The following ADAM28 variants were observed in gnomAD, a reference collection of about 807,000 sequenced individuals.
ADAM28 encodes ADAM metallopeptidase domain 28.
Under a neutral mutation model 101.2 loss-of-function variants are expected in ADAM28, and 105 were observed. The observed-to-expected ratio is 1.04, with a 90% CI of 0.89 to 1.22. The LOEUF (loss-of-function observed/expected upper bound fraction) is 1.22, where lower values mean the gene tolerates loss of function less well. Ranked by LOEUF, ADAM28 falls within the 50% of genes most tolerant of loss-of-function variation. The pLI, the probability that ADAM28 is intolerant of heterozygous loss-of-function variation, is 0.00. For missense variants in ADAM28, 1,028 were observed against 945.4 expected (o/e 1.09, Z -1.15); for synonymous variants, 322 against 310.6 (o/e 1.04, Z -0.39).
rs1424813442 is a variant in ADAM28, at chr8:24,329,985, G to C, written c.973G>C (p.Asp325His). 3 of 1,610,878 alleles carry C rather than the reference G, an allele frequency of 1.9e-6. No individual in the cohort carries two copies. The African/African-American group carries it at 4.0e-5, about 22-fold the overall frequency. ...TCTTTTTCTTCTTTCATACCTTTAGGACCACAGCGATAATCTTCTTAGAGT... is the reference window on the plus strand; with the variant it reads ...TCTTTTTCTTCTTTCATACCTTTAGCACCACAGCGATAATCTTCTTAGAGT... ...CSPYSVGVVQ[D>H]HSDNLLRVAG... The change falls in exon 11 of 23, where the codon GAC becomes CAC. Residue 325 changes from aspartate (D) to histidine (H), a missense_variant and splice_region_variant. Transcript: ENST00000265769.
intron 2 of ADAM28, among the ~76,000 whole-genome samples, chr8:24,306,358 A>ATATATATATATATATATATATATTT (rs1809634217): frequency 2.6e-5 from 3 of 115,850 alleles, no homozygotes; most frequent in Admixed American, 8.4e-5. Flanking sequence ...ACAAATAAAT[A>ATATATATATATATATATATATATTT]AATAAATATA....
chr8:24,355,260 T>C lies in ADAM28; in HGVS notation c.*856T>C, dbSNP rs1816602930. On this transcript the variant is annotated 3_prime_UTR_variant, in exon 23 of 23. Coordinates refer to ENST00000265769, the MANE Select transcript of ADAM28 (RefSeq NM_014265.6). ...TGCTTTGTCAACAACAGACTTACAT[T>C]GCCCATAGCAACCGTCAGCTTAGTT... 6.6e-6 allele frequency: 1 copy of C among 152,258 alleles called. No individual in the cohort carries two copies. Among genetic ancestry groups the C allele is most frequent in the Non-Finnish European group, 1.5e-5 (1 of 67,998 alleles). 9.4% of individuals were successfully genotyped at this position (152,258 alleles called of 1,614,324 possible). A position where few individuals can be genotyped will look rare whatever the true frequency, so the allele number is the denominator to read the frequency against.
intron 6 of ADAM28, among the ~76,000 whole-genome samples, chr8:24,319,567 A>G (rs1811600406): frequency 6.6e-6 from 1 of 152,056 alleles, no homozygotes. Flanking sequence ...TTAGTTACCT[A>G]TTAAAAGACA....
intron 2 of ADAM28, chr8:24,308,531 T>G: frequency 9.3e-6 from 4 of 431,220 alleles, no homozygotes; most frequent in South Asian, 6.7e-5. Context: ...AAGACCATAT[T>G]TGGTATCATT....
rs536534433 is a variant in ADAM28 at position 24,357,821 on chromosome 8, C to T, written c.*3417C>T. On this transcript the variant is annotated 3_prime_UTR_variant, in exon 23 of 23. Coordinates refer to ENST00000265769, the MANE Select transcript of ADAM28 (RefSeq NM_014265.6). ...TTTGTTCTCCCTTCTTTACTAGCAC[C>T]GAGGATTTGCTTGAAATCTCTGATA... 6.6e-5 allele frequency: 10 copies of T among 152,128 alleles called. No individual in the cohort carries two copies. Among genetic ancestry groups the T allele is most frequent in the East Asian group, 1.9e-4 (1 of 5,174 alleles). 9.4% of individuals were successfully genotyped at this position (152,128 alleles called of 1,614,324 possible). A position where few individuals can be genotyped will look rare whatever the true frequency, so the allele number is the denominator to read the frequency against.
In ADAM28 at chr8:24,353,753, T is replaced by C. The variant is rs769643381; in HGVS notation, c.2245-17T>C. On this transcript the variant is annotated splice_polypyrimidine_tract_variant and intron_variant, in intron 21 of 22. Transcript: ENST00000265769. The stretch of plus-strand genomic sequence containing the variant: ...AGCATTTCTAATGCCATACCATTGT[T>C]TTTATAATTAACGTAGCATAAAGAC... The C allele has an allele frequency of 8.4e-6, 12 of 1,430,216 alleles. No individual in the cohort carries two copies. The South Asian group carries it at 1.3e-4, about 15-fold the overall frequency. 88.6% of individuals were successfully genotyped at this position (1,430,216 alleles called of 1,614,324 possible).
At chr8:24,349,805 G>T in intron 18 of ADAM28, 59 bp from the exon 19 acceptor site, 1 of 1,311,402 alleles carries the variant, frequency 7.6e-7, no homozygotes, top group Non-Finnish European at 1.1e-6. Flanking sequence ...ACAAGGACTA[G>T]TGTGTTGTGC....
Position 24,339,473 on chromosome 8 carries a change from G to A in ADAM28, c.1575G>A (p.Glu525=), listed in dbSNP as rs200477816. The A allele has an allele frequency of 6.2e-7, 1 of 1,612,366 alleles. No individual in the cohort carries two copies. Among genetic ancestry groups the A allele is most frequent in the African/African-American group, 1.3e-5 (1 of 74,830 alleles). The part of the protein sequence containing the change: ...QCTELWGPGT[E]VADKSCYNRN... ...GACTGATCCTGGTCCCAGGAACTGAGGTTGCAGATAAGTCATGTTACAACA... is the reference window on the plus strand; with the variant it reads ...GACTGATCCTGGTCCCAGGAACTGAAGTTGCAGATAAGTCATGTTACAACA... Residue 525 remains glutamate, a synonymous_variant, in exon 15 of 23, where the codon GAG becomes GAA. Transcript: ENST00000265769.
Position 24,335,601 on chromosome 8 carries a change from C to T in ADAM28, c.1527C>T (p.Cys509=). The T allele has an allele frequency of 6.2e-7, 1 of 1,612,948 alleles. No individual in the cohort carries two copies. Among genetic ancestry groups the T allele is most frequent in the Non-Finnish European group, 8.5e-7 (1 of 1,179,402 alleles). The change falls in exon 14 of 23, where the codon TGC becomes TGT. Residue 509 remains cysteine (C), a synonymous_variant. Coordinates refer to ENST00000265769, the MANE Select transcript of ADAM28 (RefSeq NM_014265.6). ...AGGGCCACTGCTTGATGGGGACATG[C>T]CCCACACTGCAGGAGCAGTGCACAG... The part of the protein sequence containing the change: ...HGKGHCLMGT[C]PTLQEQCTEL...
intron 18 of ADAM28, among the ~76,000 whole-genome samples, chr8:24,344,526 T>C (rs1444117426): frequency 6.6e-6 from 1 of 152,150 alleles, no homozygotes; most frequent in Non-Finnish European, 1.5e-5. Context: ...TTGTTAGACT[T>C]TTCAAGAGAG....
In ADAM28 at chr8:24,350,060, T is replaced by C. The variant is rs1412766122; in HGVS notation, c.2099+88T>C. On this transcript the variant is annotated intron_variant, in intron 19 of 22. Transcript: ENST00000265769. ...TCAATGTATAACCTATCCTTTCAAA[T>C]TGAATTGGTTTACTTCTAATATTCA... 4 of 1,139,102 alleles carry C rather than the reference T, an allele frequency of 3.5e-6. 1 individual carries two copies. Among genetic ancestry groups the C allele is most frequent in the South Asian group, 3.6e-5 (2 of 55,280 alleles). 70.6% of individuals were successfully genotyped at this position (1,139,102 alleles called of 1,614,324 possible).
At position 24,351,228 on chromosome 8, in the gene ADAM28, A is replaced by G. The variant is rs1303652519; in HGVS notation, c.2100-4A>G. 2.5e-6 allele frequency: 4 copies of G among 1,579,310 alleles called. No individual in the cohort carries two copies. The East Asian group carries it at 9.1e-5, about 36-fold the overall frequency. Reference sequence around the variant, plus strand: ...AATTGATATCATGTGTTTCTCTCTTACAGGCCACTATCTACCACTGGCACC... The same window carrying G: ...AATTGATATCATGTGTTTCTCTCTTGCAGGCCACTATCTACCACTGGCACC... On this transcript the variant is annotated splice_region_variant and splice_polypyrimidine_tract_variant and intron_variant, in intron 19 of 22. Transcript: ENST00000265769.
At chr8:24,314,714 A>G (rs564366434) in intron 6 of ADAM28, among the ~76,000 whole-genome samples, 61 of 151,952 alleles carry the variant, frequency 4.0e-4, no homozygotes, top group Non-Finnish European at 6.6e-4. Context: ...ATGACACTTA[A>G]AAATCAAATG....
intron 10 of ADAM28, among the ~76,000 whole-genome samples, chr8:24,327,933 A>C (rs900039508): frequency 3.3e-5 from 5 of 152,082 alleles, no homozygotes; most frequent in African/African-American, 1.2e-4. Context: ...ATTGTTATTA[A>C]TTTTGTTTTA....
At chr8:24,306,367 TATATATATATATATATATTTAAAA>T (rs1809658053) in intron 2 of ADAM28, among the ~76,000 whole-genome samples, 4 of 136,320 alleles carry the variant, frequency 2.9e-5, no homozygotes, top group East Asian at 4.4e-4. Flanking sequence ...TAAATAAATA[TATATATATATATATATATTTAAAA>T]ATATATATAT....
chr8:24,294,164 C>G lies in ADAM28; in HGVS notation c.15C>G (p.Leu5=). Residue 5 remains leucine (L), a synonymous_variant, in exon 1 of 23, where the codon CTC becomes CTG. Transcript: ENST00000265769. ...AATCACCCAGCATGTTGCAAGGTCT[C>G]CTGCCAGTCAGTCTCCTCCTCTCTG... MLQG[L]LPVSLLLSVA... is the part of the protein sequence containing the mutation. 1 of 1,614,168 alleles carries G rather than the reference C, an allele frequency of 6.2e-7. No individual in the cohort carries two copies. The highest frequency in any genetic ancestry group is 1.3e-5 in the African/African-American group (1 of 75,058).
chr8:24,308,468 T>C (rs893220876), intron 2 of ADAM28, among the ~76,000 whole-genome samples: 32 of 152,310 alleles, frequency 2.1e-4, no homozygotes, highest in African/African-American at 7.5e-4. Context: ...CTAAATCTAC[T>C]AAAAAGCCAT....
intron 14 of ADAM28, among the ~76,000 whole-genome samples, chr8:24,338,573 A>T (rs574552894): frequency 1.4e-5 from 2 of 146,348 alleles, no homozygotes; most frequent in Non-Finnish European, 3.0e-5. Context: ...ACTAAGATAC[A>T]AATAATAAAA....
At chr8:24,316,439 C>T (rs1312802410) in intron 6 of ADAM28, among the ~76,000 whole-genome samples, 1 of 151,968 alleles carries the variant, frequency 6.6e-6, no homozygotes, top group Non-Finnish European at 1.5e-5. Context: ...TGATAGTGTG[C>T]AATGCAGTTG....
Sources: gnomAD v4.1 joint callset for allele counts (sites outside exome capture counted in the v4.1 genomes callset) on GRCh38, gnomAD v4.1.1 for gene constraint, MANE v1.5 for transcripts, NCBI Gene and HGNC (gene_info 2026-07-23, HGNC 2026-07-21) for gene names.